Variants in TSPEAR observed in about 807,000 individuals in gnomAD.
TSPEAR encodes thrombospondin-type laminin G domain and EAR repeat-containing protein.
Under a neutral mutation model 71.6 loss-of-function variants are expected in TSPEAR, and 69 were observed. That is an observed-to-expected ratio of 0.96 (90% CI 0.79 to 1.18). The LOEUF is 1.18. Ranked by LOEUF, TSPEAR falls within the 50% of genes most tolerant of loss-of-function variation. The pLI, the probability that TSPEAR is intolerant of heterozygous loss-of-function variation, is 0.00. For missense variants in TSPEAR, 971 were observed against 894.9 expected (o/e 1.09, Z -1.09); for synonymous variants, 402 against 387.2 (o/e 1.04, Z -0.45).
At chr21:44,521,630 C>T (rs745844353) in intron 9 of TSPEAR, among the ~76,000 whole-genome samples, 2 of 152,242 alleles carry the variant, frequency 1.3e-5, no homozygotes, top group Non-Finnish European at 2.9e-5. Context: ...GGTGCGCCTC[C>T]TGCCTTATTT....
intron 2 of TSPEAR, among the ~76,000 whole-genome samples, chr21:44,544,858 C>T (rs1207047298): frequency 6.6e-6 from 1 of 152,038 alleles, no homozygotes; most frequent in Non-Finnish European, 1.5e-5. Flanking sequence ...ACGTTATGCA[C>T]TGATGAAAGT....
intron 1 of TSPEAR, among the ~76,000 whole-genome samples, chr21:44,582,391 C>T (rs1283326825): frequency 6.6e-6 from 1 of 152,224 alleles, no homozygotes; most frequent in African/African-American, 2.4e-5. Flanking sequence ...TCCTGAGTGG[C>T]AGGCAGGGAG....
At chr21:44,626,312 T>C (rs1555934313) in intron 1 of TSPEAR, among the ~76,000 whole-genome samples, 1 of 152,200 alleles carries the variant, frequency 6.6e-6, no homozygotes, top group African/African-American at 2.4e-5. Context: ...TCATCAAAGA[T>C]CATGCAGCCG....
At position 44,533,813 on chromosome 21, in the gene TSPEAR, G is replaced by T. The variant is rs781792266; in HGVS notation, c.414C>A (p.Ala138=). 22 of 1,612,406 alleles carry T rather than the reference G, an allele frequency of 1.4e-5. No homozygotes were observed. The highest frequency in any genetic ancestry group is 8.5e-7 in the Non-Finnish European group (1 of 1,179,908). ...AGGACACTCGGGTCTGCCAGGCGCC[G>T]GCCGTGTCCTCGCGAAGGAACAGGA... ...LHFLFLREDT[A]GAWQTRVSFR... The change falls in exon 3 of 12, where the codon GCC becomes GCA. Residue 138 remains alanine, a synonymous_variant. Coordinates refer to ENST00000323084, the MANE Select transcript of TSPEAR (RefSeq NM_144991.3).
intron 1 of TSPEAR, chr21:44,579,854 G>A (rs200875590): frequency 2.5e-6 from 4 of 1,597,178 alleles, no homozygotes; most frequent in South Asian, 1.1e-5. Context: ...GGAGGCAGGG[G>A]CACAGCAGGA....
chr21:44,498,428 C>T lies in TSPEAR; in HGVS notation c.*1355G>A, dbSNP rs892755802. 2 of 152,180 alleles carry T rather than the reference C, an allele frequency of 1.3e-5. No homozygotes were observed. The highest frequency in any genetic ancestry group is 2.4e-5 in the African/African-American group (1 of 41,428). The allele number at this position is 152,180 out of a possible 1,614,324, so 9.4% of individuals were successfully genotyped here. On this transcript the variant is annotated 3_prime_UTR_variant, in exon 12 of 12. Transcript: ENST00000323084. Reference sequence around the variant, plus strand: ...GCTGGACGGAGGGGAAGGAGGCTCTCGGCGACTGCCCCCAGAGGGGAGTGG... The same window carrying T: ...GCTGGACGGAGGGGAAGGAGGCTCTTGGCGACTGCCCCCAGAGGGGAGTGG...
intron 9 of TSPEAR, 57 bp downstream of exon 9, chr21:44,521,826 A>G: frequency 6.7e-7 from 1 of 1,486,926 alleles, no homozygotes; most frequent in Non-Finnish European, 9.3e-7. Flanking sequence ...CAGCAGGTGC[A>G]GGTGACAGAC....
chr21:44,635,435 G>A (rs939224300), intron 1 of TSPEAR, among the ~76,000 whole-genome samples: 6 of 151,686 alleles, frequency 4.0e-5, no homozygotes, highest in Non-Finnish European at 7.4e-5. Context: ...ATTAGCAGAT[G>A]AATGGATAAA....
At chr21:44,600,627 T>C (rs1211103) in intron 1 of TSPEAR, 136,140 of 1,611,876 alleles carry the variant, frequency 0.084, 10,538 homozygotes, top group African/African-American at 0.38. Flanking sequence ...CCAGCATGGC[T>C]GCGTCCACTA....
At chr21:44,569,054 A>C (rs1283158324) in intron 1 of TSPEAR, among the ~76,000 whole-genome samples, 1 of 152,172 alleles carries the variant, frequency 6.6e-6, no homozygotes, top group African/African-American at 2.4e-5. Context: ...GGCCCCAGTG[A>C]GCAGCTGGAG....
At position 44,710,219 on chromosome 21, in the gene TSPEAR, T is replaced by G. The variant is rs1051990603; in HGVS notation, c.82+1214A>C. ...CTGCGACAAGCTGACTTGGCTCTCGTATTGTTTGCAGAATCACCCAGTTCC... is the reference window on the plus strand; with the variant it reads ...CTGCGACAAGCTGACTTGGCTCTCGGATTGTTTGCAGAATCACCCAGTTCC... On this transcript the variant is annotated intron_variant, in intron 1 of 11. Coordinates refer to ENST00000323084, the MANE Select transcript of TSPEAR (RefSeq NM_144991.3). This position sits in a 1 kb window ranked among gnomAD's most constrained non-coding sequence, Gnocchi z 4.6. Among the ~76,000 whole-genome samples the G allele has an allele frequency of 4.6e-5, 7 of 152,142 alleles. No homozygotes were observed. Among genetic ancestry groups the G allele is most frequent in the Admixed American group, 4.6e-4 (7 of 15,282 alleles).
chr21:44,520,334 C>T lies in TSPEAR; in HGVS notation c.1566+1549G>A, dbSNP rs1396971990. The T allele has an allele frequency of 2.6e-5, 4 of 151,986 alleles. No individual in the cohort carries two copies. Among genetic ancestry groups the T allele is most frequent in the African/African-American group, 9.7e-5 (4 of 41,392 alleles). 9.4% of individuals were successfully genotyped at this position (151,986 alleles called of 1,614,324 possible). ...GCAGGTACCCTCCCAACTTTCCCAG[C>T]CCTCACTTCCTCCTGGTGAGGGCTG... is the stretch of plus-strand genomic sequence containing the variant. On this transcript the variant is annotated intron_variant, in intron 9 of 11. Coordinates refer to ENST00000323084, the MANE Select transcript of TSPEAR (RefSeq NM_144991.3). This position sits in a 1 kb window ranked among gnomAD's most constrained non-coding sequence, Gnocchi z 4.2.
intron 1 of TSPEAR, among the ~76,000 whole-genome samples, chr21:44,619,097 G>A (rs146559860): frequency 7.9e-5 from 12 of 152,252 alleles, no homozygotes; most frequent in African/African-American, 2.9e-4. Flanking sequence ...AGCAGGAAGT[G>A]AAGGTGCAAG....
chr21:44,504,527 G>A (rs1273204029), intron 11 of TSPEAR, among the ~76,000 whole-genome samples: 16 of 145,892 alleles, frequency 1.1e-4, no homozygotes, highest in Admixed American at 8.0e-4. Flanking sequence ...GAGGAGGCCG[G>A]CCTCGGTGAG....
At chr21:44,627,112 C>G (rs587662408) in intron 1 of TSPEAR, 2 of 1,579,320 alleles carry the variant, frequency 1.3e-6, no homozygotes, top group Non-Finnish European at 1.7e-6. Flanking sequence ...CAAACTCACT[C>G]ACTGACACAC....
intron 1 of TSPEAR, chr21:44,600,476 G>T: frequency 1.1e-6 from 1 of 933,012 alleles, no homozygotes; most frequent in Non-Finnish European, 1.6e-6. Flanking sequence ...AACAAGGAAG[G>T]GGCAGGAGTT....
At position 44,509,431 on chromosome 21, in the gene TSPEAR, G is replaced by C. The variant is rs368142939; in HGVS notation, c.1567-45C>G. On this transcript the variant is annotated intron_variant, in intron 9 of 11. Coordinates refer to ENST00000323084, the MANE Select transcript of TSPEAR (RefSeq NM_144991.3). ...GGTGCAGAGGTGTGGGGGAGCGGGCGCAGAGGTGTGGGGGAGCGGGCGCAG... is the reference window on the plus strand; with the variant it reads ...GGTGCAGAGGTGTGGGGGAGCGGGCCCAGAGGTGTGGGGGAGCGGGCGCAG... 5.4e-4 allele frequency: 809 copies of C among 1,505,184 alleles called. 1 individual carries two copies. Among genetic ancestry groups the C allele is most frequent in the Non-Finnish European group, 5.2e-4 (571 of 1,108,110 alleles). The allele number at this position is 1,505,184 out of a possible 1,614,324, so 93.2% of individuals were successfully genotyped here. A position where few individuals can be genotyped will look rare whatever the true frequency, so the allele number is the denominator to read the frequency against.
chr21:44,632,654 T>C (rs1177963032), intron 1 of TSPEAR, among the ~76,000 whole-genome samples: 6 of 152,080 alleles, frequency 3.9e-5, no homozygotes, highest in African/African-American at 1.4e-4. Flanking sequence ...GCCAACATAG[T>C]GAAACTCCAT....
intron 1 of TSPEAR, among the ~76,000 whole-genome samples, chr21:44,640,686 ACCAGGTCAGTAAG>A: frequency 6.6e-6 from 1 of 152,252 alleles, no homozygotes; most frequent in East Asian, 1.9e-4. Context: ...CCATCCACAG[ACCAGGTCAGTAAG>A]GATTTTCTGG....
Sources: allele counts gnomAD v4.1 joint callset (sites outside exome capture counted in the v4.1 genomes callset), GRCh38; gene constraint gnomAD v4.1.1; non-coding constraint Gnocchi (gnomAD v3.1); transcripts MANE v1.5; gene names NCBI Gene and HGNC (gene_info 2026-07-23, HGNC 2026-07-21).